CEP85L: variants seen among roughly 807,000 people sequenced by gnomAD.
CEP85L encodes the protein centrosomal protein 85L.
CEP85L carries 60 observed loss-of-function variants against 100.3 expected under a neutral mutation model. The observed-to-expected ratio is 0.60, with a 90% CI of 0.49 to 0.74. The LOEUF is 0.74. CEP85L is among the 30% of genes least tolerant of loss of function. The probability of loss-of-function intolerance (pLI) is 0.00; values close to 1 mark genes in which losing one functional copy is unlikely to be tolerated. For synonymous variants in CEP85L, 319 were observed against 322.7 expected (o/e 0.99, Z 0.12); for missense variants, 973 against 936.2 (o/e 1.04, Z -0.51).
intron 3 of CEP85L, chr6:118,558,917 G>A (rs1779063871): frequency 2.5e-6 from 4 of 1,612,836 alleles, no homozygotes; most frequent in African/African-American, 1.3e-5. Context: ...TGTCCTGCTG[G>A]TATCATGGAG....
At chr6:118,636,556 G>A (rs561564902) in intron 1 of CEP85L, among the ~76,000 whole-genome samples, 11 of 142,996 alleles carry the variant, frequency 7.7e-5, no homozygotes, top group African/African-American at 2.7e-4. Flanking sequence ...CATTACTTCC[G>A]TGAAGGTGTT....
chr6:118,547,227 CAGAGA>C lies in CEP85L; in HGVS notation c.1020+18297_1020+18301del, dbSNP rs370402708. The stretch of plus-strand genomic sequence containing the variant: ...CATCTAAGACAACAAATTAGATAAA[CAGAGA>C]AGAGGAGAATGATGCCCGGCTTTAC... On this transcript the variant is annotated intron_variant, in intron 3 of 12. Coordinates refer to ENST00000368491, the MANE Select transcript of CEP85L (RefSeq NM_001042475.3). Among the ~76,000 whole-genome samples, 503 of 152,160 alleles carry C rather than the reference CAGAGA, an allele frequency of 3.3e-3. 2 individuals carry two copies. Among genetic ancestry groups the C allele is most frequent in the African/African-American group, 0.012 (485 of 41,562 alleles).
At chr6:118,546,575 T>C (rs982621335) in intron 3 of CEP85L, among the ~76,000 whole-genome samples, 3 of 152,208 alleles carry the variant, frequency 2.0e-5, no homozygotes. Flanking sequence ...TCAGTTACTA[T>C]ATGCTACTCT....
chr6:118,696,519 G>C (rs1301107897), intron 1 of CEP85L, among the ~76,000 whole-genome samples: 4 of 152,152 alleles, frequency 2.6e-5, no homozygotes, highest in Admixed American at 2.0e-4. Context: ...GTGATGAAAG[G>C]TCCATATTGT....
chr6:118,481,850 C>T lies in CEP85L; in HGVS notation c.1674G>A (p.Gln558=). The change falls in exon 8 of 13, where the codon CAG becomes CAA. Residue 558 remains glutamine, a synonymous_variant. Coordinates refer to ENST00000368491, the MANE Select transcript of CEP85L (RefSeq NM_001042475.3). ...TEKKLEEIKK[Q]CQDKETQLIC... ...TTAACTGTGTCTCTTTATCTTGACA[C>T]TGCTTTTTGATCTCTTCAAGTTTTT... The T allele has an allele frequency of 6.3e-7, 1 of 1,596,332 alleles. No individual in the cohort carries two copies. The highest frequency in any genetic ancestry group is 1.1e-5 in the South Asian group (1 of 88,328).
At chr6:118,606,718 G>A (rs1164757264) in intron 2 of CEP85L, among the ~76,000 whole-genome samples, 1 of 152,192 alleles carries the variant, frequency 6.6e-6, no homozygotes. Flanking sequence ...CCAGCTTGCT[G>A]GTTATTCTTG....
At chr6:118,669,957 C>T (rs1776245851) in intron 1 of CEP85L, among the ~76,000 whole-genome samples, 1 of 149,676 alleles carries the variant, frequency 6.7e-6, no homozygotes, top group African/African-American at 2.5e-5. Context: ...TAGATGACCT[C>T]CAACTTTGTA....
At chr6:118,650,753 C>A (rs1185904269) in intron 1 of CEP85L, among the ~76,000 whole-genome samples, 2 of 152,140 alleles carry the variant, frequency 1.3e-5, no homozygotes, top group East Asian at 3.9e-4. Context: ...GTCGGGAGGG[C>A]GCGGAACTGC....
At chr6:118,549,399 C>T (rs886412831) in intron 3 of CEP85L, among the ~76,000 whole-genome samples, 4 of 151,732 alleles carry the variant, frequency 2.6e-5, no homozygotes, top group African/African-American at 7.3e-5. Context: ...GTAAATGAAA[C>T]GTTTCCTCAT....
rs1775543650 is a variant in CEP85L, at chr6:118,504,893, ATACATGTGGT to A, written c.1257+6395_1257+6404del. 3.3e-5 allele frequency among the ~76,000 whole-genome samples: 5 copies of A among 152,114 alleles called. No individual in the cohort carries two copies. The South Asian group carries it at 8.3e-4, about 25-fold the overall frequency. On this transcript the variant is annotated intron_variant, in intron 5 of 12. Coordinates refer to ENST00000368491, the MANE Select transcript of CEP85L (RefSeq NM_001042475.3). ...CCTGGTGTGTAGGGAAACAAATACC[ATACATGTGGT>A]GCAGAAGTACTGTGCTGAGTGGAGA...
intron 2 of CEP85L, among the ~76,000 whole-genome samples, chr6:118,567,342 ATATT>A (rs1779615435): frequency 6.7e-6 from 1 of 148,354 alleles, no homozygotes; most frequent in Admixed American, 6.8e-5. Context: ...CTTTCTCTCT[ATATT>A]TATTAAATCC....
chr6:118,578,781 C>T (rs1780394809), intron 2 of CEP85L, among the ~76,000 whole-genome samples: 1 of 152,210 alleles, frequency 6.6e-6, no homozygotes, highest in Non-Finnish European at 1.5e-5. Flanking sequence ...CTCTCGCGAG[C>T]GTGACTGATG....
chr6:118,690,941 T>C (rs950490368), intron 1 of CEP85L, among the ~76,000 whole-genome samples: 3 of 147,570 alleles, frequency 2.0e-5, no homozygotes, highest in African/African-American at 5.0e-5. Flanking sequence ...GAGGCTAGAG[T>C]GATTGTTATC....
intron 1 of CEP85L, among the ~76,000 whole-genome samples, chr6:118,684,949 GC>G (rs1249013766): frequency 3.3e-5 from 5 of 152,100 alleles, no homozygotes; most frequent in African/African-American, 1.2e-4. Flanking sequence ...ACCGCGCCTG[GC>G]CCCTTTAAGC....
chr6:118,594,248 A>T (rs147765377), intron 2 of CEP85L, among the ~76,000 whole-genome samples: 1 of 152,330 alleles, frequency 6.6e-6, no homozygotes, highest in Admixed American at 6.5e-5. Flanking sequence ...TTTTGTTTTT[A>T]CACAAAATGA....
chr6:118,646,700 T>G (rs1007750951), intron 1 of CEP85L, among the ~76,000 whole-genome samples: 1 of 152,188 alleles, frequency 6.6e-6, no homozygotes, highest in African/African-American at 2.4e-5. Flanking sequence ...AAGTGTCTGA[T>G]GATCACGTTC....
At chr6:118,586,292 C>T (rs192897719) in intron 2 of CEP85L, among the ~76,000 whole-genome samples, 1 of 152,318 alleles carries the variant, frequency 6.6e-6, no homozygotes, top group East Asian at 1.9e-4. Context: ...GCTGTATGGA[C>T]ACACTTTCCT....
chr6:118,486,594 A>C (rs1774203777), intron 6 of CEP85L, among the ~76,000 whole-genome samples: 1 of 152,170 alleles, frequency 6.6e-6, no homozygotes, highest in South Asian at 2.1e-4. Context: ...TTTGTTATCA[A>C]GGAGCCTGCT....
intron 1 of CEP85L, among the ~76,000 whole-genome samples, chr6:118,657,994 C>T (rs972590655): frequency 6.6e-6 from 1 of 152,096 alleles, no homozygotes. Flanking sequence ...AAAGAATTTT[C>T]AGCGTATTGC....
Sources: gnomAD v4.1 joint callset for allele counts (sites outside exome capture counted in the v4.1 genomes callset) on GRCh38, gnomAD v4.1.1 for gene constraint, MANE v1.5 for transcripts, NCBI Gene and HGNC (gene_info 2026-07-23, HGNC 2026-07-21) for gene names.